CPEB1: variants seen among roughly 807,000 people sequenced by gnomAD.
CPEB1 encodes cytoplasmic polyadenylation element binding protein 1.
CPEB1 carries 7 observed loss-of-function variants against 65.8 expected under a neutral mutation model. That is an observed-to-expected ratio of 0.11 (90% CI 0.06 to 0.20). CPEB1 has a LOEUF of 0.20. CPEB1 is among the 10% of genes least tolerant of loss of function. The probability of loss-of-function intolerance (pLI) is 1.00; values close to 1 mark genes in which losing one functional copy is unlikely to be tolerated. For missense variants in CPEB1, 551 were observed against 712.2 expected, an observed-to-expected ratio of 0.77 and a Z score of 2.58; for synonymous variants, 262 against 260.0, an observed-to-expected ratio of 1.01 and a Z score of -0.08.
chr15:82,628,081 T>A (rs1474639705), intron 2 of CPEB1: 14 of 636,094 alleles, frequency 2.2e-5, no homozygotes, highest in Non-Finnish European at 3.3e-5. Context: ...GGATTGTTAA[T>A]GCTGTGGAAG....
chr15:82,592,422 T>C (rs140735092), intron 3 of CPEB1, among the ~76,000 whole-genome samples: 363 of 151,738 alleles, frequency 2.4e-3, no homozygotes, highest in African/African-American at 8.4e-3. Flanking sequence ...ACCCCATCTC[T>C]ACCAAAAATA....
At chr15:82,579,108 C>A (rs2151089326) in intron 3 of CPEB1, among the ~76,000 whole-genome samples, 1 of 152,278 alleles carries the variant, frequency 6.6e-6, no homozygotes, top group South Asian at 2.1e-4. Flanking sequence ...CAGGCATGAA[C>A]CACCATGCCC....
chr15:82,638,095 A>G (rs1416583768), intron 1 of CPEB1: 5 of 339,582 alleles, frequency 1.5e-5, no homozygotes, highest in Non-Finnish European at 2.4e-5. Context: ...TTCTGGTTGA[A>G]GTATATGAAG....
At chr15:82,572,475 G>A (rs886165971) in intron 3 of CPEB1, among the ~76,000 whole-genome samples, 44 of 152,120 alleles carry the variant, frequency 2.9e-4, no homozygotes, top group African/African-American at 1.1e-3. Flanking sequence ...AGTGAGACCT[G>A]CCCTGACTAG....
chr15:82,553,294 G>A (rs1404219640), intron 8 of CPEB1, among the ~76,000 whole-genome samples, 173 bp downstream of exon 8: 2 of 152,166 alleles, frequency 1.3e-5, no homozygotes, highest in Non-Finnish European at 2.9e-5. Context: ...AAGAAACAGA[G>A]GGACATGTTA....
At chr15:82,580,769 TA>T (rs1258271039) in intron 3 of CPEB1, among the ~76,000 whole-genome samples, 2 of 152,166 alleles carry the variant, frequency 1.3e-5, no homozygotes, top group African/African-American at 4.8e-5. Flanking sequence ...AATTATACAA[TA>T]TTTTTCCTTT....
chr15:82,605,827 TCGGGAG>T (rs1414747761), intron 3 of CPEB1, among the ~76,000 whole-genome samples: 1 of 151,752 alleles, frequency 6.6e-6, no homozygotes. Context: ...TCACCTGAGG[TCGGGAG>T]TTCGAGACCA....
chr15:82,638,782 C>CAT (rs2046870769), intron 1 of CPEB1: 1 of 152,190 alleles, frequency 6.6e-6, no homozygotes, highest in African/African-American at 2.4e-5. Context: ...ATATTAAAGG[C>CAT]ATATATTCAA....
In CPEB1 at chr15:82,552,469, C is replaced by G; in HGVS notation, c.1281+11G>C. On this transcript the variant is annotated intron_variant, in intron 9 of 12. Coordinates refer to ENST00000684509, the MANE Select transcript of CPEB1 (RefSeq NM_001365242.1). ...GACCCTCGATCCAGAAAGGACATCA[C>G]GCTAACTCACCTCCTTGCAGCGCAT... The G allele has an allele frequency of 6.4e-7, 1 of 1,553,396 alleles. No homozygotes were observed. Among genetic ancestry groups the G allele is most frequent in the Non-Finnish European group, 8.7e-7 (1 of 1,154,698 alleles).
chr15:82,581,045 T>A (rs2041234911), intron 3 of CPEB1, among the ~76,000 whole-genome samples: 1 of 152,168 alleles, frequency 6.6e-6, no homozygotes, highest in South Asian at 2.1e-4. Context: ...TCTCCCCATG[T>A]TGCCCAGGCT....
chr15:82,647,996 A>T, upstream of CPEB1: 2 of 698,330 alleles, frequency 2.9e-6, no homozygotes, highest in Non-Finnish European at 4.0e-6. Flanking sequence ...CAGCTTATGA[A>T]GCTCCTACGA....
intron 3 of CPEB1, among the ~76,000 whole-genome samples, chr15:82,584,044 G>A (rs748469275): frequency 7.9e-5 from 12 of 151,782 alleles, no homozygotes; most frequent in Admixed American, 5.3e-4. Context: ...TGGATCACAA[G>A]GTCAGGAGAC....
At chr15:82,631,800 A>G (rs1202841082) in intron 1 of CPEB1, among the ~76,000 whole-genome samples, 1 of 152,114 alleles carries the variant, frequency 6.6e-6, no homozygotes, top group Admixed American at 6.6e-5. Flanking sequence ...TATGATTCAA[A>G]TAGACCTAAG....
chr15:82,592,867 C>G (rs1326534484), intron 3 of CPEB1, among the ~76,000 whole-genome samples: 1 of 152,026 alleles, frequency 6.6e-6, no homozygotes, highest in South Asian at 2.1e-4. Context: ...CATGGTGGCA[C>G]ATGCCTGTGG....
chr15:82,638,780 G>A (rs2046870268), intron 1 of CPEB1: 1 of 152,196 alleles, frequency 6.6e-6, no homozygotes, highest in African/African-American at 2.4e-5. Context: ...GAATATTAAA[G>A]GCATATATTC....
intron 6 of CPEB1, 98 bp from the exon 7 acceptor site, chr15:82,554,089 C>T: frequency 1.5e-6 from 1 of 669,072 alleles, no homozygotes; most frequent in Non-Finnish European, 2.6e-6. Context: ...ACCTGACTGG[C>T]CACAATCCTT....
chr15:82,609,435 C>T (rs935107658), intron 3 of CPEB1, among the ~76,000 whole-genome samples: 2 of 151,238 alleles, frequency 1.3e-5, no homozygotes, highest in East Asian at 1.9e-4. Context: ...TGGGAGGTCG[C>T]GGCTGCAGTG....
chr15:82,552,302 T>C (rs897406120), intron 9 of CPEB1, among the ~76,000 whole-genome samples, 178 bp downstream of exon 9: 3 of 150,552 alleles, frequency 2.0e-5, no homozygotes, highest in Non-Finnish European at 4.4e-5. Flanking sequence ...AAGGTTGCTT[T>C]TTTTTTTTTT....
chr15:82,601,442 G>A (rs2043114144), intron 3 of CPEB1, among the ~76,000 whole-genome samples: 1 of 151,950 alleles, frequency 6.6e-6, no homozygotes, highest in African/African-American at 2.4e-5. Flanking sequence ...TCAGGAGTCT[G>A]AGACAGGACA....
Sources: gnomAD v4.1 joint callset for allele counts (sites outside exome capture counted in the v4.1 genomes callset) on GRCh38, gnomAD v4.1.1 for gene constraint, MANE v1.5 for transcripts, NCBI Gene and HGNC (gene_info 2026-07-23, HGNC 2026-07-21) for gene names.